MAMDC4: variants seen among roughly 807,000 people sequenced by gnomAD.
The protein encoded by MAMDC4 is apical endosomal glycoprotein.
A neutral mutation model predicts 153.3 loss-of-function variants in MAMDC4; 168 were observed. That is an observed-to-expected ratio of 1.10 (90% CI 0.97 to 1.25). The LOEUF is 1.25. MAMDC4 is among the 50% of genes most tolerant of loss of function. The pLI is 0.00. For synonymous variants in MAMDC4, 744 were observed against 651.5 expected (o/e 1.14, Z -2.16); for missense variants, 1,701 against 1,542.8 (o/e 1.10, Z -1.72).
chr9:136,856,941 G>A lies in MAMDC4; in HGVS notation c.1872G>A (p.Leu624=), dbSNP rs1421890689. 1.2e-6 allele frequency: 2 copies of A among 1,611,154 alleles called. No homozygotes were observed. The highest frequency in any genetic ancestry group is 1.7e-6 in the Non-Finnish European group (2 of 1,178,876). ...TGCTCCTGGACCCCACAGACCCCCT[G>A]GCCTGGGGCCACAGTGCCCACCTGC... The part of the protein sequence containing the change: ...HFVLLDPTDP[L]AWGHSAHLLS... The change falls in exon 16 of 27, where the codon CTG becomes CTA. Residue 624 remains leucine, a synonymous_variant. Coordinates refer to ENST00000317446, the MANE Select transcript of MAMDC4 (RefSeq NM_206920.3).
chr9:136,853,928 C>T (rs373552894), intron 5 of MAMDC4, 21 bp downstream of exon 5: 11 of 1,612,594 alleles, frequency 6.8e-6, no homozygotes, highest in African/African-American at 6.7e-5. Context: ...AGGGTCTGGA[C>T]GAGTGGGGGC....
rs762850366 is a variant in MAMDC4 at position 136,853,585 on chromosome 9, A to G, written c.369A>G (p.Ala123=). 2.0e-5 allele frequency: 33 copies of G among 1,612,404 alleles called. No homozygotes were observed. The South Asian group carries it at 3.5e-4, about 17-fold the overall frequency. ...TTGGAACCCACCGAGGGAAAGAGGC[A>G]TCCACCGCAGCCCTGCGCTCGCCAA... is the stretch of plus-strand genomic sequence containing the variant. ...MAVGTHRGKE[A]STAALRSPTL... Residue 123 remains alanine (A), a synonymous_variant, in exon 4 of 27, where the codon GCA becomes GCG. Coordinates refer to ENST00000317446, the MANE Select transcript of MAMDC4 (RefSeq NM_206920.3).
At chr9:136,854,426 A>T in intron 7 of MAMDC4, 90 bp downstream of exon 7, 1 of 1,498,976 alleles carries the variant, frequency 6.7e-7, no homozygotes, top group Admixed American at 2.2e-5. Context: ...GGTGCCTTGG[A>T]TCCTTGGATG....
chr9:136,859,472 CCTCACTCTGCCCTG>C (rs1310702652), intron 25 of MAMDC4, 155 bp downstream of exon 25: 4 of 719,892 alleles, frequency 5.6e-6, no homozygotes, highest in African/African-American at 1.8e-5. Flanking sequence ...CCTGTGCCCT[CCTCACTCTGCCCTG>C]CTCACCCCTG....
chr9:136,860,493 C>T, intron 26 of MAMDC4, 69 bp from the exon 27 acceptor site: 1 of 1,526,784 alleles, frequency 6.5e-7, no homozygotes, highest in South Asian at 1.2e-5. Flanking sequence ...TGCACTCCAT[C>T]CTGGTTGACA....
chr9:136,857,166 G>A lies in MAMDC4; in HGVS notation c.1974G>A (p.Gly658=), dbSNP rs777481902. The A allele has an allele frequency of 3.7e-6, 6 of 1,612,466 alleles. No homozygotes were observed. In the Admixed American group the frequency reaches 6.7e-5, roughly 18 times the overall value. The change falls in exon 17 of 27, where the codon GGG becomes GGA. Residue 658 remains glycine, a splice_region_variant and synonymous_variant. Coordinates refer to ENST00000317446, the MANE Select transcript of MAMDC4 (RefSeq NM_206920.3). ...TATGGACTGGTCCCCTCCCTGCAGG[G>A]ACTCTGCGCCTAGCCATGAGACGGG... is the stretch of plus-strand genomic sequence containing the variant. ...FWYHLHGPQI[G]TLRLAMRREG...
intron 19 of MAMDC4, 54 bp from the exon 20 acceptor site, chr9:136,857,925 A>C: frequency 6.8e-7 from 1 of 1,470,528 alleles, no homozygotes; most frequent in East Asian, 2.5e-5. Context: ...AGCTCAGACC[A>C]GGGCCTGCAG....
In MAMDC4 at chr9:136,855,810, C is replaced by T; in HGVS notation, c.1550C>T (p.Ser517Leu). The T allele has an allele frequency of 6.5e-7, 1 of 1,539,808 alleles. No individual in the cohort carries two copies. Among genetic ancestry groups the T allele is most frequent in the Non-Finnish European group, 8.8e-7 (1 of 1,142,748 alleles). ...GGGCGGCTGCAGTGGCGGCGTGTCT[C>T]AGCCCAGGAGAGCCAGGGGTCCAGT... The part of the protein sequence containing the change: ...SVGRLQWRRV[S>L]AQESQGSSAA... The change falls in exon 13 of 27, where the codon TCA (serine) becomes TTA (leucine). Residue 517 changes from serine to leucine, a missense_variant. Coordinates refer to ENST00000317446, the MANE Select transcript of MAMDC4 (RefSeq NM_206920.3).
chr9:136,856,976 C>T lies in MAMDC4; in HGVS notation c.1907C>T (p.Pro636Leu). 4.3e-6 allele frequency: 7 copies of T among 1,612,522 alleles called. No homozygotes were observed. Among genetic ancestry groups the T allele is most frequent in the Non-Finnish European group, 5.9e-6 (7 of 1,179,824 alleles). The change falls in exon 16 of 27, where the codon CCC becomes CTC. Residue 636 changes from proline (P) to leucine (L), a missense_variant. Pro to Leu is a moderately conservative substitution (Grantham distance 98). Coordinates refer to ENST00000317446, the MANE Select transcript of MAMDC4 (RefSeq NM_206920.3). ...WGHSAHLLSRPQVPAAPTECL... is the reference protein window; with the variant it reads ...WGHSAHLLSRLQVPAAPTECL... ...CACAGTGCCCACCTGCTCTCCAGGC[C>T]CCAGGTGCCAGCAGCACCCACGGAG...
In MAMDC4 at chr9:136,853,273, C is replaced by G. The variant is rs772173033; in HGVS notation, c.155-12C>G. 5 of 1,605,146 alleles carry G rather than the reference C, an allele frequency of 3.1e-6. No homozygotes were observed. In the South Asian group the frequency reaches 5.5e-5, roughly 18 times the overall value. On this transcript the variant is annotated splice_polypyrimidine_tract_variant and intron_variant, in intron 2 of 26. Coordinates refer to ENST00000317446, the MANE Select transcript of MAMDC4 (RefSeq NM_206920.3). ...GCAGGTCTGGCACACACCTGACCAC[C>G]CACTCTCCCAGGTTACCACGGGGCC...
rs201155048 is a variant in MAMDC4, at chr9:136,854,902, C to T, written c.1024-35C>T. ...TCCCTGCTCTCCGTGCTGGCTGCCC[C>T]GGTGCAGGCCCCCAGCCAGCTCTTG... On this transcript the variant is annotated intron_variant, in intron 9 of 26. Transcript: ENST00000317446. The T allele has an allele frequency of 1.2e-4, 191 of 1,612,488 alleles. No individual in the cohort carries two copies. The Admixed American group carries it at 2.3e-3, about 20-fold the overall frequency.
At chr9:136,853,237 G>C (rs758608240) in intron 2 of MAMDC4, 28 bp downstream of exon 2, 114 of 1,612,272 alleles carry the variant, frequency 7.1e-5, no homozygotes, top group Non-Finnish European at 9.3e-5. Flanking sequence ...GGGCGGGCAG[G>C]GCCAGTGCGA....
In MAMDC4 at chr9:136,855,102, C is replaced by G. The variant is rs61745456; in HGVS notation, c.1189C>G (p.Pro397Ala). Reference sequence around the variant, plus strand: ...CCGTGTTGACATCCAGAGCGCCTACCCCTTCCAGGTAGGGAACAGCAAGAG... The same window carrying G: ...CCGTGTTGACATCCAGAGCGCCTACGCCTTCCAGGTAGGGAACAGCAAGAG... ...RDRVDIQSAY[P>A]FQILLAGQTG... The change falls in exon 10 of 27, where the codon CCC becomes GCC. Residue 397 changes from proline (P) to alanine (A), a missense_variant. Coordinates refer to ENST00000317446, the MANE Select transcript of MAMDC4 (RefSeq NM_206920.3). 2 of 1,575,872 alleles carry G rather than the reference C, an allele frequency of 1.3e-6. No homozygotes were observed. Among genetic ancestry groups the G allele is most frequent in the Non-Finnish European group, 1.7e-6 (2 of 1,161,212 alleles).
rs370545600 is a variant in MAMDC4, at chr9:136,858,056, C to A, written c.2542C>A (p.Arg848Ser). The A allele has an allele frequency of 1.8e-5, 28 of 1,528,792 alleles. No homozygotes were observed. The highest frequency in any genetic ancestry group is 2.2e-5 in the Non-Finnish European group (25 of 1,139,816). The allele number at this position is 1,528,792 out of a possible 1,614,324, so 94.7% of individuals were successfully genotyped here. ...SLSAHGGLAW[R>S]LGSMDVQAER... Reference sequence around the variant, plus strand: ...CAGTGCCCACGGCGGGCTTGCCTGGCGCCTGGGCAGCATGGACGTGCAGGC... The same window carrying A: ...CAGTGCCCACGGCGGGCTTGCCTGGAGCCTGGGCAGCATGGACGTGCAGGC... The change falls in exon 20 of 27, where the codon CGC becomes AGC. Residue 848 changes from arginine to serine, a missense_variant. Arg to Ser is a moderately radical substitution (Grantham distance 110). Transcript: ENST00000317446.
chr9:136,854,413 G>A (rs1848973005), intron 7 of MAMDC4, 77 bp downstream of exon 7: 10 of 1,494,030 alleles, frequency 6.7e-6, no homozygotes, highest in South Asian at 1.3e-5. Flanking sequence ...TCATCCAGGA[G>A]GGGGTGCCTT....
Position 136,858,232 on chromosome 9 carries a change from CTCTGGATGA to C in MAMDC4, c.2635_2643del (p.Asp879_Leu881del). 1 of 1,601,648 alleles carries C rather than the reference CTCTGGATGA, an allele frequency of 6.2e-7. No individual in the cohort carries two copies. Among genetic ancestry groups the C allele is most frequent in the Non-Finnish European group, 8.5e-7 (1 of 1,178,402 alleles). On this transcript the variant is annotated inframe_deletion, in exon 21 of 27. Coordinates refer to ENST00000317446, the MANE Select transcript of MAMDC4 (RefSeq NM_206920.3). ...GCAGGCGTGGCACACTCCTACGTGG[CTCTGGATGA>C]TCTGCTCCTCCAGGACGGGCCCTGC...
chr9:136,858,794 C>A lies in MAMDC4; in HGVS notation c.2897C>A (p.Pro966Gln). The A allele has an allele frequency of 6.2e-7, 1 of 1,610,582 alleles. No homozygotes were observed. The highest frequency in any genetic ancestry group is 8.5e-7 in the Non-Finnish European group (1 of 1,178,868). ...RAAWLRSEPL[P>Q]ATPASCLRFW... Reference sequence around the variant, plus strand: ...GCCTGGCTGCGCAGCGAGCCTCTGCCGGCCACCCCAGCCTCCTGCCTCCGC... The same window carrying A: ...GCCTGGCTGCGCAGCGAGCCTCTGCAGGCCACCCCAGCCTCCTGCCTCCGC... Residue 966 changes from proline (P) to glutamine (Q), a missense_variant, in exon 23 of 27, where the codon CCG becomes CAG. By Grantham distance (76) the Pro-to-Gln change is moderately conservative. Transcript: ENST00000317446.
At position 136,859,888 on chromosome 9, in the gene MAMDC4, A is replaced by G. The variant is rs752541008; in HGVS notation, c.3196A>G (p.Asn1066Asp). 1.2e-6 allele frequency: 2 copies of G among 1,611,552 alleles called. No individual in the cohort carries two copies. The highest frequency in any genetic ancestry group is 1.7e-6 in the Non-Finnish European group (2 of 1,179,926). ...TCACATGTCCCTATGGCCCACAGGG[A>G]ACACAGCCGCACCCGGGTCTGTGCC... ...HCQQPAPSPG[N>D]TAAPGSVPAV... is the part of the protein sequence containing the mutation. Residue 1066 changes from asparagine to aspartate, a missense_variant and splice_region_variant, in exon 26 of 27, where the codon AAC becomes GAC. Physicochemically the swap from Asn to Asp is conservative, Grantham distance 23 (BLOSUM62 1). Coordinates refer to ENST00000317446, the MANE Select transcript of MAMDC4 (RefSeq NM_206920.3).
chr9:136,857,576 G>T lies in MAMDC4; in HGVS notation c.2316G>T (p.Glu772Asp). 1 of 1,612,532 alleles carries T rather than the reference G, an allele frequency of 6.2e-7. No homozygotes were observed. The highest frequency in any genetic ancestry group is 1.1e-5 in the South Asian group (1 of 91,088). The change falls in exon 18 of 27, where the codon GAG becomes GAT. Residue 772 changes from glutamate (E) to aspartate (D), a missense_variant. Physicochemically the swap from Glu to Asp is conservative, Grantham distance 45. Coordinates refer to ENST00000317446, the MANE Select transcript of MAMDC4 (RefSeq NM_206920.3). The stretch of plus-strand genomic sequence containing the variant: ...GCCCCCCAACAGACCATACCACTGA[G>T]ACAGCCCAAGGTATGGGGGCCTGGC... ...AWGPPTDHTT[E>D]TAQGHYMVVD...
Sources: allele counts gnomAD v4.1 joint callset, GRCh38; gene constraint gnomAD v4.1.1; transcripts MANE v1.5; gene names NCBI Gene and HGNC (gene_info 2026-07-23, HGNC 2026-07-21).